ATM: variants seen among roughly 807,000 people sequenced by gnomAD.
The protein encoded by ATM is serine-protein kinase ATM.
A neutral mutation model predicts 387.0 loss-of-function variants in ATM; 308 were observed. That is an observed-to-expected ratio of 0.80 (90% CI 0.73 to 0.87). The LOEUF is 0.87. ATM is among the 40% of genes least tolerant of loss of function. ATM has a pLI of 0.00. For missense variants in ATM, 3,312 were observed against 3,560.9 expected (o/e 0.93, Z 1.78); for synonymous variants, 1,156 against 1,187.3 (o/e 0.97, Z 0.54).
At chr11:108,299,965 C>T in intron 34 of ATM, 80 bp downstream of exon 34, 6 of 1,348,160 alleles carry the variant, frequency 4.5e-6, no homozygotes, top group Middle Eastern at 2.4e-4. Context: ...TAGATATTCT[C>T]AGTAACTAAA....
chr11:108,238,029 C>T (rs934854008), intron 5 of ATM, among the ~76,000 whole-genome samples: 11 of 150,402 alleles, frequency 7.3e-5, no homozygotes, highest in South Asian at 2.1e-4. Flanking sequence ...TAGGTTCAAG[C>T]GATTCTCCTG....
In ATM at chr11:108,344,477, C is replaced by G. The variant is rs2088026272; in HGVS notation, c.8418+1106C>G. On this transcript the variant is annotated intron_variant, in intron 57 of 62. Transcript: ENST00000675843. ...AGATGGAGTGTTGCTTTATGAAATG[C>G]AAAGGAGTTTGCACCTTATGCTATA... 2.0e-5 allele frequency among the ~76,000 whole-genome samples: 3 copies of G among 152,092 alleles called. No individual in the cohort carries two copies. In the South Asian group the frequency reaches 6.2e-4, roughly 32 times the overall value.
chr11:108,328,180 A>G (rs968166718), intron 48 of ATM, among the ~76,000 whole-genome samples: 2 of 152,152 alleles, frequency 1.3e-5, no homozygotes, highest in Non-Finnish European at 2.9e-5. Context: ...CTTTAGATTC[A>G]CTAATTTTGG....
At chr11:108,273,056 CTG>C (rs1337322557) in intron 22 of ATM, among the ~76,000 whole-genome samples, 1 of 152,154 alleles carries the variant, frequency 6.6e-6, no homozygotes, top group Non-Finnish European at 1.5e-5. Context: ...TAAATGAAAA[CTG>C]TGACTTAGTG....
At chr11:108,316,664 C>A (rs543605694) in intron 42 of ATM, among the ~76,000 whole-genome samples, 1 of 149,000 alleles carries the variant, frequency 6.7e-6, no homozygotes, top group Non-Finnish European at 1.5e-5. Context: ...AATCCCAGCA[C>A]TTTGGGAGGC....
rs587782049 is a variant in ATM at position 108,335,866 on chromosome 11, G to C, written c.8173G>C (p.Asp2725His). The C allele has an allele frequency of 6.2e-7, 1 of 1,613,812 alleles. No individual in the cohort carries two copies. The highest frequency in any genetic ancestry group is 8.5e-7 in the Non-Finnish European group (1 of 1,179,914). ...GAAGGGCCGTGATGACCTGAGACAAGATGCTGTCATGCAACAGGTCTTCCA... is the reference window on the plus strand; with the variant it reads ...GAAGGGCCGTGATGACCTGAGACAACATGCTGTCATGCAACAGGTCTTCCA... ...LVKGRDDLRQ[D>H]AVMQQVFQMC... Residue 2725 changes from aspartate (D) to histidine (H), a missense_variant, in exon 56 of 63, where the codon GAT (aspartate) becomes CAT (histidine). Asp to His is a moderately conservative substitution (Grantham distance 81). Coordinates refer to ENST00000675843, the MANE Select transcript of ATM (RefSeq NM_000051.4).
At position 108,327,628 on chromosome 11, in the gene ATM, T is replaced by C; in HGVS notation, c.6976-17T>C. The stretch of plus-strand genomic sequence containing the variant: ...TGGTAATGCATTATATTTTAAGATT[T>C]TGCCTTTCTTATACAGAACAATCCC... On this transcript the variant is annotated splice_polypyrimidine_tract_variant and intron_variant, in intron 47 of 62. Coordinates refer to ENST00000675843, the MANE Select transcript of ATM (RefSeq NM_000051.4). The C allele has an allele frequency of 6.3e-7, 1 of 1,592,066 alleles. No homozygotes were observed. Among genetic ancestry groups the C allele is most frequent in the Non-Finnish European group, 8.6e-7 (1 of 1,160,492 alleles).
chr11:108,334,864 ATTTG>A, intron 54 of ATM, 101 bp from the exon 55 acceptor site: 1 of 1,360,042 alleles, frequency 7.4e-7, no homozygotes, highest in South Asian at 1.2e-5. Context: ...TCACATCGTC[ATTTG>A]TTTCTCTGTT....
intron 59 of ATM, among the ~76,000 whole-genome samples, chr11:108,348,676 ATAAT>A (rs1233983893): frequency 3.3e-5 from 5 of 152,146 alleles, no homozygotes; most frequent in African/African-American, 1.2e-4. Context: ...AAGAACAAAA[ATAAT>A]TAAAGGAAAT....
chr11:108,289,868 T>C, intron 29 of ATM, 67 bp downstream of exon 29: 1 of 1,455,278 alleles, frequency 6.9e-7, no homozygotes, highest in Non-Finnish European at 9.5e-7. Flanking sequence ...TTTTTTGCTT[T>C]GTTTTGTTTT....
rs1060501602 is a variant in ATM at position 108,325,496 on chromosome 11, A to C, written c.6759A>C (p.Lys2253Asn). The change falls in exon 46 of 63, where the codon AAA becomes AAC. Residue 2253 changes from lysine (K) to asparagine (N), a missense_variant. Transcript: ENST00000675843. Reference protein sequence around the residue: ...QRECIKDILTKHLVELSILAR... With the variant: ...QRECIKDILTNHLVELSILAR... ...AATGTATTAAGGACATTCTCACCAA[A>C]CACCTTGTAGAACTCTCTATACTGG... 4 of 1,613,302 alleles carry C rather than the reference A, an allele frequency of 2.5e-6. No homozygotes were observed. Among genetic ancestry groups the C allele is most frequent in the Non-Finnish European group, 2.5e-6 (3 of 1,179,850 alleles).
At chr11:108,335,705 G>T in intron 55 of ATM, 140 bp from the exon 56 acceptor site, 1 of 680,234 alleles carries the variant, frequency 1.5e-6, no homozygotes, top group Non-Finnish European at 2.6e-6. Context: ...ATGGCAGTAG[G>T]TATTTAATTA....
In ATM at chr11:108,343,378, G is replaced by A. The variant is rs2136954579; in HGVS notation, c.8418+7G>A. ...GTGCCAAAAGAAAATGATGGTGAGTGACACCCAAAATTAAAGGTTATTGTA... is the reference window on the plus strand; with the variant it reads ...GTGCCAAAAGAAAATGATGGTGAGTAACACCCAAAATTAAAGGTTATTGTA... On this transcript the variant is annotated splice_region_variant and intron_variant, in intron 57 of 62. Coordinates refer to ENST00000675843, the MANE Select transcript of ATM (RefSeq NM_000051.4). 2 of 1,613,682 alleles carry A rather than the reference G, an allele frequency of 1.2e-6. No homozygotes were observed. Among genetic ancestry groups the A allele is most frequent in the Non-Finnish European group, 1.7e-6 (2 of 1,179,776 alleles).
Position 108,365,070 on chromosome 11 carries a change from C to T in ATM, c.8851-12C>T, listed in dbSNP as rs747346821. On this transcript the variant is annotated splice_polypyrimidine_tract_variant and intron_variant, in intron 61 of 62. Transcript: ENST00000675843. The stretch of plus-strand genomic sequence containing the variant: ...ACATTGTTCTTTTAATACATATGTT[C>T]TCTCTGTTTAGGTCCTTCTATATGA... The T allele has an allele frequency of 6.2e-7, 1 of 1,613,334 alleles. No homozygotes were observed. Among genetic ancestry groups the T allele is most frequent in the Non-Finnish European group, 8.5e-7 (1 of 1,179,504 alleles).
intron 31 of ATM, among the ~76,000 whole-genome samples, chr11:108,293,894 A>AATATATATATATATATATATATAT (rs1220002313): frequency 1.2e-5 from 1 of 83,676 alleles, no homozygotes; most frequent in African/African-American, 4.2e-5. Context: ...AAAAAAAAAA[A>AATATATATATATATATATATATAT]ATATATATAT....
rs2135553733 is a variant in ATM at position 108,271,349 on chromosome 11, ACT to A, written c.3023_3024del (p.Ser1008Ter). On this transcript the variant is annotated frameshift_variant, in exon 20 of 63. Transcript: ENST00000675843. LOFTEE classifies it high-confidence loss of function. Reference sequence around the variant, plus strand: ...AAAAACCTAGGTCAAAGCAATATGGACTCTGAGAACACAAGGGATGCTCAAGG... The same window carrying A: ...AAAAACCTAGGTCAAAGCAATATGGACTGAGAACACAAGGGATGCTCAAGG... 1 of 1,613,868 alleles carries A rather than the reference ACT, an allele frequency of 6.2e-7. No homozygotes were observed. The highest frequency in any genetic ancestry group is 8.5e-7 in the Non-Finnish European group (1 of 1,179,980).
intron 61 of ATM, chr11:108,356,132 G>C (rs1409676333): frequency 1.3e-5 from 2 of 152,150 alleles, no homozygotes; most frequent in East Asian, 3.8e-4. Context: ...TAAATGATAA[G>C]AAAATAAGCA....
intron 13 of ATM, 27 bp from the exon 14 acceptor site, chr11:108,256,188 A>T (rs2135391328): frequency 6.5e-7 from 1 of 1,531,506 alleles, no homozygotes; most frequent in South Asian, 1.2e-5. Flanking sequence ...TGAAATATAT[A>T]TATTTTTATT....
At chr11:108,343,065 C>T (rs1411301107) in intron 56 of ATM, among the ~76,000 whole-genome samples, 157 bp from the exon 57 acceptor site, 4 of 151,990 alleles carry the variant, frequency 2.6e-5, no homozygotes, top group East Asian at 1.9e-4. Context: ...AGTTTATTTC[C>T]GATTGGTTTC....
Sources: gnomAD v4.1 joint callset for allele counts (sites outside exome capture counted in the v4.1 genomes callset) on GRCh38, gnomAD v4.1.1 for gene constraint, MANE v1.5 for transcripts, NCBI Gene and HGNC (gene_info 2026-07-23, HGNC 2026-07-21) for gene names.